STAT1: variants seen among roughly 807,000 people sequenced by gnomAD.
STAT1 encodes the protein signal transducer and activator of transcription 1, also known as signal transducer and activator of transcription 1-alpha/beta.
In STAT1, 24 loss-of-function variants were observed where a neutral mutation model predicts 111.7. The ratio of observed to expected loss-of-function variants is 0.21; its 90% confidence interval spans 0.16 to 0.30. The LOEUF is 0.30. Among genes scored for constraint, STAT1 ranks in the 10% least tolerant of loss-of-function variants. The pLI is 1.00. For synonymous variants in STAT1, 332 were observed against 326.5 expected (o/e 1.02, Z -0.18); for missense variants, 351 against 911.9 (o/e 0.38, Z 7.92).
At position 190,984,856 on chromosome 2, in the gene STAT1, C is replaced by A. The variant is rs1692675361; in HGVS notation, c.1264-463G>T. Among the ~76,000 whole-genome samples the A allele has an allele frequency of 6.6e-6, 1 of 152,232 alleles. No individual in the cohort carries two copies. Among genetic ancestry groups the A allele is most frequent in the Admixed American group, 6.5e-5 (1 of 15,288 alleles). ...GGTTTCGGTAGAAATGGATAGATTTCAAAGTGCCTTCATAAGCATTACCTC... is the reference window on the plus strand; with the variant it reads ...GGTTTCGGTAGAAATGGATAGATTTAAAAGTGCCTTCATAAGCATTACCTC... On this transcript the variant is annotated intron_variant, in intron 15 of 24. Coordinates refer to ENST00000361099, the MANE Select transcript of STAT1 (RefSeq NM_007315.4). The surrounding 1 kb of genome is among the most constrained non-coding windows in gnomAD (Gnocchi z 5.2).
Position 191,014,122 on chromosome 2 carries a change from C to A in STAT1, c.-260G>T, listed in dbSNP as rs560084350. Reference sequence around the variant, plus strand: ...GGTCTGGGGTCTGCCAGGCGCGATCCCCCCGGTGCAGCCGAGCCCCTCCGC... The same window carrying A: ...GGTCTGGGGTCTGCCAGGCGCGATCACCCCGGTGCAGCCGAGCCCCTCCGC... On this transcript the variant is annotated 5_prime_UTR_variant, in exon 1 of 25. Coordinates refer to ENST00000361099, the MANE Select transcript of STAT1 (RefSeq NM_007315.4). The A allele has an allele frequency of 1.3e-5, 2 of 156,278 alleles. No homozygotes were observed. The highest frequency in any genetic ancestry group is 4.8e-5 in the African/African-American group (2 of 41,630). The allele number at this position is 156,278 out of a possible 1,614,324, so 9.7% of individuals were successfully genotyped here. A position where few individuals can be genotyped will look rare whatever the true frequency, so the allele number is the denominator to read the frequency against.
rs1692253771 is a variant in STAT1, at chr2:190,980,135, T to C, written c.1633-269A>G. On this transcript the variant is annotated intron_variant, in intron 19 of 24. Coordinates refer to ENST00000361099, the MANE Select transcript of STAT1 (RefSeq NM_007315.4). The surrounding 1 kb of genome is among the most constrained non-coding windows in gnomAD (Gnocchi z 6.1). The stretch of plus-strand genomic sequence containing the variant: ...AAACAGTAGCAAGCTAGCCTGGGGG[T>C]GACCTCCAGCGTGACTCACGGAAAC... Among the ~76,000 whole-genome samples, 1 of 152,106 alleles carries C rather than the reference T, an allele frequency of 6.6e-6. No individual in the cohort carries two copies. Among genetic ancestry groups the C allele is most frequent in the Admixed American group, 6.5e-5 (1 of 15,272 alleles).
rs1692863218 is a variant in STAT1 at position 190,986,788 on chromosome 2, G to T, written c.1221+66C>A. The T allele has an allele frequency of 6.7e-7, 1 of 1,489,440 alleles. No individual in the cohort carries two copies. Among genetic ancestry groups the T allele is most frequent in the Non-Finnish European group, 9.4e-7 (1 of 1,067,040 alleles). The allele number at this position is 1,489,440 out of a possible 1,614,324, so 92.3% of individuals were successfully genotyped here. ...CTCCACATGGCAATGTGCCAAAAAG[G>T]GCTGCTCTATTGTCAAAAGTCCTAA... On this transcript the variant is annotated intron_variant, in intron 14 of 24. Transcript: ENST00000361099. This position sits in a 1 kb window ranked among gnomAD's most constrained non-coding sequence, Gnocchi z 5.0.
In STAT1 at chr2:190,980,679, TAAA is replaced by T; in HGVS notation, c.1583-13_1583-11del. 6.2e-7 allele frequency: 1 copy of T among 1,614,072 alleles called. No individual in the cohort carries two copies. Among genetic ancestry groups the T allele is most frequent in the Non-Finnish European group, 8.5e-7 (1 of 1,179,970 alleles). Reference sequence around the variant, plus strand: ...GGGCTGGCGTTAGGACCTAAACAAATAAAAACCAGATTTTTCAGCAAACAGAAA... The same window carrying T: ...GGGCTGGCGTTAGGACCTAAACAAATAACCAGATTTTTCAGCAAACAGAAA... On this transcript the variant is annotated splice_polypyrimidine_tract_variant and intron_variant, in intron 18 of 24. Coordinates refer to ENST00000361099, the MANE Select transcript of STAT1 (RefSeq NM_007315.4). The surrounding 1 kb of genome is among the most constrained non-coding windows in gnomAD (Gnocchi z 6.1).
Position 190,989,551 on chromosome 2 carries a change from C to A in STAT1, c.1097+64G>T, listed in dbSNP as rs41421850. The A allele has an allele frequency of 9.3e-4, 1,016 of 1,092,542 alleles. 11 individuals are homozygous for A. The African/African-American group carries it at 0.014, about 15-fold the overall frequency. 67.7% of individuals were successfully genotyped at this position (1,092,542 alleles called of 1,614,324 possible). ...TGCTTATTTAGTGGAGGAATCTGTGCTTGAGTAACAAAATCAACATTTCAA... is the reference window on the plus strand; with the variant it reads ...TGCTTATTTAGTGGAGGAATCTGTGATTGAGTAACAAAATCAACATTTCAA... On this transcript the variant is annotated intron_variant, in intron 12 of 24. Transcript: ENST00000361099. This position sits in a 1 kb window ranked among gnomAD's most constrained non-coding sequence, Gnocchi z 5.0.
chr2:190,991,558 G>A (rs1378714918), intron 10 of STAT1, among the ~76,000 whole-genome samples: 1 of 152,140 alleles, frequency 6.6e-6, no homozygotes, highest in Non-Finnish European at 1.5e-5. Flanking sequence ...CTATTACATT[G>A]AAACAAACAT....
In STAT1 at chr2:190,979,770, AC is replaced by A; in HGVS notation, c.1727+1del. On this transcript the variant is annotated splice_donor_variant, in intron 20 of 24. Coordinates refer to ENST00000361099, the MANE Select transcript of STAT1 (RefSeq NM_007315.4). LOFTEE classifies it high-confidence loss of function. The surrounding 1 kb of genome is among the most constrained non-coding windows in gnomAD (Gnocchi z 5.8). ...CAAAATACATCTATCGGTGGCCCTT[AC>A]CCATCATTCCAGAGAGGGAGCAGGT... 1 of 1,610,172 alleles carries A rather than the reference AC, an allele frequency of 6.2e-7. No homozygotes were observed. The highest frequency in any genetic ancestry group is 8.5e-7 in the Non-Finnish European group (1 of 1,176,374).
intron 12 of STAT1, among the ~76,000 whole-genome samples, chr2:190,988,011 G>A (rs774087837): frequency 3.9e-5 from 6 of 152,224 alleles, no homozygotes; most frequent in Non-Finnish European, 8.8e-5. Flanking sequence ...CGCAGAAGAT[G>A]GTAAACTGCA....
chr2:190,982,331 T>G lies in STAT1; in HGVS notation c.1582+52A>C. ...GAGGGGAAAAGAGCAATTAGAGAGA[T>G]ATTTTTATGAATTTCAATTTTTATA... On this transcript the variant is annotated intron_variant, in intron 18 of 24. Coordinates refer to ENST00000361099, the MANE Select transcript of STAT1 (RefSeq NM_007315.4). The surrounding 1 kb of genome is among the most constrained non-coding windows in gnomAD (Gnocchi z 7.3). The G allele has an allele frequency of 1.2e-6, 2 of 1,602,114 alleles. No individual in the cohort carries two copies. The highest frequency in any genetic ancestry group is 1.7e-6 in the Non-Finnish European group (2 of 1,169,516).
intron 10 of STAT1, among the ~76,000 whole-genome samples, chr2:190,991,732 T>C (rs1471363092): frequency 6.6e-6 from 1 of 151,364 alleles, no homozygotes; most frequent in Non-Finnish European, 1.5e-5. Context: ...CAGGCGTGGC[T>C]AATTAGTCCC....
At chr2:190,972,649 T>C (rs1691580324) in intron 24 of STAT1, among the ~76,000 whole-genome samples, 1 of 152,118 alleles carries the variant, frequency 6.6e-6, no homozygotes, top group Admixed American at 6.5e-5. Flanking sequence ...CAAACCATTG[T>C]GAAGTCAACC....
At position 190,995,341 on chromosome 2, in the gene STAT1, A is replaced by G. The variant is rs41470846; in HGVS notation, c.786-122T>C. 9.9e-4 allele frequency: 1,010 copies of G among 1,021,982 alleles called. 12 individuals are homozygous for G. In the African/African-American group the frequency reaches 0.014, roughly 14 times the overall value. The allele number at this position is 1,021,982 out of a possible 1,614,324, so 63.3% of individuals were successfully genotyped here. ...CTAATAAAGACATACTCGAGACTGG[A>G]GAATTTATAAAGGAAAGAGGTTTAA... On this transcript the variant is annotated intron_variant, in intron 9 of 24. Transcript: ENST00000361099. The surrounding 1 kb of genome is among the most constrained non-coding windows in gnomAD (Gnocchi z 4.2).
rs1429277615 is a variant in STAT1, at chr2:190,979,762, T to C, written c.1727+10A>G. Reference sequence around the variant, plus strand: ...ATATGTTTCAAAATACATCTATCGGTGGCCCTTACCCATCATTCCAGAGAG... The same window carrying C: ...ATATGTTTCAAAATACATCTATCGGCGGCCCTTACCCATCATTCCAGAGAG... On this transcript the variant is annotated intron_variant, in intron 20 of 24. Transcript: ENST00000361099. The surrounding 1 kb of genome is among the most constrained non-coding windows in gnomAD (Gnocchi z 5.8). 1.3e-5 allele frequency: 20 copies of C among 1,599,522 alleles called. No homozygotes were observed. Among genetic ancestry groups the C allele is most frequent in the Non-Finnish European group, 1.5e-5 (18 of 1,166,834 alleles).
Position 190,977,152 on chromosome 2 carries a change from T to G in STAT1, c.1874-127A>C. 3.4e-6 allele frequency: 3 copies of G among 872,184 alleles called. No individual in the cohort carries two copies. Among genetic ancestry groups the G allele is most frequent in the Non-Finnish European group, 5.7e-6 (3 of 528,608 alleles). 54.0% of individuals were successfully genotyped at this position (872,184 alleles called of 1,614,324 possible). On this transcript the variant is annotated intron_variant, in intron 21 of 24. Transcript: ENST00000361099. This position sits in a 1 kb window ranked among gnomAD's most constrained non-coding sequence, Gnocchi z 4.7. ...TAAGAACTAATCACAATCTAAGCAT[T>G]ATAACATATACAGTAGACTGCTTTA...
intron 10 of STAT1, 136 bp downstream of exon 10, chr2:190,994,925 A>ATATATATATAT (rs1553496728): frequency 5.0e-5 from 5 of 99,514 alleles, no homozygotes; most frequent in African/African-American, 3.1e-4. Context: ...AAAAAAAAAA[A>ATATATATATAT]AAATATATAT....
chr2:190,976,866 C>A lies in STAT1; in HGVS notation c.2033G>T (p.Gly678Val). ...YPNIDKDHAF[G>V]KYYSRPKEAP... is the part of the protein sequence containing the mutation. ...TTCCTTTGGCCTGGAGTAATACTTT[C>A]CAAAGGCATGGTCTTTGTCAATATT... is the stretch of plus-strand genomic sequence containing the variant. Residue 678 changes from glycine (G) to valine (V), a missense_variant, in exon 22 of 25, where the codon GGA becomes GTA. Physicochemically the swap from Gly to Val is moderately radical, Grantham distance 109 (BLOSUM62 -3). Coordinates refer to ENST00000361099, the MANE Select transcript of STAT1 (RefSeq NM_007315.4). This position sits in a 1 kb window ranked among gnomAD's most constrained non-coding sequence, Gnocchi z 6.0. The A allele has an allele frequency of 6.2e-7, 1 of 1,614,164 alleles. No individual in the cohort carries two copies. The highest frequency in any genetic ancestry group is 1.1e-5 in the South Asian group (1 of 91,084).
rs796664266 is a variant in STAT1 at position 190,982,962 on chromosome 2, G to A, written c.1447-444C>T. Among the ~76,000 whole-genome samples, 68 of 152,296 alleles carry A rather than the reference G, an allele frequency of 4.5e-4. No individual in the cohort carries two copies. Among genetic ancestry groups the A allele is most frequent in the Middle Eastern group, 3.4e-3 (1 of 294 alleles). ...GCTGTTGGTGATCCCTGTTTAAAATGGTGCCCGAGCATAGTACCACAGTGT... is the reference window on the plus strand; with the variant it reads ...GCTGTTGGTGATCCCTGTTTAAAATAGTGCCCGAGCATAGTACCACAGTGT... On this transcript the variant is annotated intron_variant, in intron 17 of 24. Coordinates refer to ENST00000361099, the MANE Select transcript of STAT1 (RefSeq NM_007315.4). The surrounding 1 kb of genome is among the most constrained non-coding windows in gnomAD (Gnocchi z 7.3).
chr2:190,982,778 G>A lies in STAT1; in HGVS notation c.1447-260C>T, dbSNP rs958650054. ...TGGGGTCATTTGAAGACACACCCGT[G>A]CACACACAGCAGCACACAGCAGCAA... On this transcript the variant is annotated intron_variant, in intron 17 of 24. Transcript: ENST00000361099. The surrounding 1 kb of genome is among the most constrained non-coding windows in gnomAD (Gnocchi z 7.3). Among the ~76,000 whole-genome samples, 1 of 152,160 alleles carries A rather than the reference G, an allele frequency of 6.6e-6. No individual in the cohort carries two copies. Among genetic ancestry groups the A allele is most frequent in the Non-Finnish European group, 1.5e-5 (1 of 68,026 alleles).
At position 190,986,830 on chromosome 2, in the gene STAT1, TAGAG is replaced by T. The variant is rs1559011817; in HGVS notation, c.1221+20_1221+23del. 1 of 1,606,000 alleles carries T rather than the reference TAGAG, an allele frequency of 6.2e-7. No individual in the cohort carries two copies. The highest frequency in any genetic ancestry group is 1.1e-5 in the South Asian group (1 of 90,916). ...AAGTCCTAAGAAACCAGAGACAACA[TAGAG>T]AGGAAACTGATGTCCCTACCAGGTG... On this transcript the variant is annotated intron_variant, in intron 14 of 24. Coordinates refer to ENST00000361099, the MANE Select transcript of STAT1 (RefSeq NM_007315.4). The surrounding 1 kb of genome is among the most constrained non-coding windows in gnomAD (Gnocchi z 5.0).
Sources: allele counts gnomAD v4.1 joint callset (sites outside exome capture counted in the v4.1 genomes callset), GRCh38; gene constraint gnomAD v4.1.1; non-coding constraint Gnocchi (gnomAD v3.1); transcripts MANE v1.5; gene names NCBI Gene and HGNC (gene_info 2026-07-23, HGNC 2026-07-21).